FGF12: variants seen among roughly 807,000 people sequenced by gnomAD.
FGF12 encodes fibroblast growth factor 12B.
In FGF12, 14 loss-of-function variants were observed where a neutral mutation model predicts 23.6. The observed-to-expected ratio is 0.59, with a 90% CI of 0.39 to 0.93. FGF12 has a LOEUF of 0.93. FGF12 is among the 40% of genes least tolerant of loss of function. FGF12 has a pLI of 0.00. For missense variants in FGF12, 175 were observed against 217.8 expected, an observed-to-expected ratio of 0.80 and a Z score of 1.24; for synonymous variants, 62 against 77.3, an observed-to-expected ratio of 0.80 and a Z score of 1.04.
At chr3:192,590,470 T>C (rs1475720609) in intron 2 of FGF12, among the ~76,000 whole-genome samples, 1 of 151,958 alleles carries the variant, frequency 6.6e-6, no homozygotes, top group Non-Finnish European at 1.5e-5. Context: ...TTATGAACAC[T>C]TGAAGGTTTT....
At chr3:192,507,722 G>A (rs1724357058) in intron 2 of FGF12, among the ~76,000 whole-genome samples, 1 of 152,146 alleles carries the variant, frequency 6.6e-6, no homozygotes, top group Non-Finnish European at 1.5e-5. Context: ...GGCTATTACT[G>A]CCCAGAATTC....
At chr3:192,429,810 G>A (rs749961787) in intron 2 of FGF12, among the ~76,000 whole-genome samples, 4 of 152,052 alleles carry the variant, frequency 2.6e-5, no homozygotes, top group Non-Finnish European at 4.4e-5. Flanking sequence ...AATGCAGCTG[G>A]TGTATTTTGC....
intron 2 of FGF12, among the ~76,000 whole-genome samples, chr3:192,619,799 AT>A (rs1321098155): frequency 6.6e-6 from 1 of 152,164 alleles, no homozygotes; most frequent in Non-Finnish European, 1.5e-5. Flanking sequence ...TGTTAGACCT[AT>A]GTTTTCTTTT....
chr3:192,235,102 T>G (rs1197606988), intron 4 of FGF12, among the ~76,000 whole-genome samples: 3 of 152,188 alleles, frequency 2.0e-5, no homozygotes, highest in Non-Finnish European at 1.5e-5. Context: ...TATGGTATAA[T>G]GTCAGTAAAA....
At chr3:192,426,433 A>C (rs1214325650) in intron 2 of FGF12, among the ~76,000 whole-genome samples, 1 of 152,234 alleles carries the variant, frequency 6.6e-6, no homozygotes, top group Non-Finnish European at 1.5e-5. Flanking sequence ...ATACAGGTAT[A>C]AAGTGAAAAA....
At chr3:192,422,982 T>C (rs1721579074) in intron 2 of FGF12, among the ~76,000 whole-genome samples, 2 of 151,972 alleles carry the variant, frequency 1.3e-5, no homozygotes, top group Admixed American at 6.6e-5. Context: ...GCTATAAGAG[T>C]TGGGAGCAAG....
At chr3:192,726,505 T>C (rs748566808) in intron 2 of FGF12, among the ~76,000 whole-genome samples, 8 of 152,228 alleles carry the variant, frequency 5.3e-5, no homozygotes, top group Non-Finnish European at 1.0e-4. Flanking sequence ...AGTTCATTTA[T>C]CAGTTGGCAT....
intron 4 of FGF12, among the ~76,000 whole-genome samples, chr3:192,181,884 ACAGACATGGGCCACCATG>A (rs1716199875): frequency 6.6e-6 from 1 of 151,806 alleles, no homozygotes; most frequent in Non-Finnish European, 1.5e-5. Flanking sequence ...TGCTGGGATT[ACAGACATGGGCCACCATG>A]CTCAGCCAAC....
At chr3:192,251,858 T>C (rs1712033928) in intron 4 of FGF12, among the ~76,000 whole-genome samples, 1 of 152,106 alleles carries the variant, frequency 6.6e-6, no homozygotes, top group African/African-American at 2.4e-5. Context: ...TGAAGGGGCA[T>C]TAGGAATACT....
intron 4 of FGF12, among the ~76,000 whole-genome samples, chr3:192,273,971 A>G (rs1230260575): frequency 6.6e-6 from 1 of 152,122 alleles, no homozygotes; most frequent in African/African-American, 2.4e-5. Context: ...GTAATGACTG[A>G]TCACCATCAG....
chr3:192,375,611 T>C (rs999259770), intron 2 of FGF12, among the ~76,000 whole-genome samples: 2 of 152,210 alleles, frequency 1.3e-5, no homozygotes, highest in Admixed American at 1.3e-4. Flanking sequence ...TTTCGTTTAT[T>C]ATGATAGATT....
rs1027295383 is a variant in FGF12 at position 192,408,704 on chromosome 3, A to G, written c.14-48166T>C. 2.0e-4 allele frequency: 196 copies of G among 988,310 alleles called. No homozygotes were observed. Among genetic ancestry groups the G allele is most frequent in the Non-Finnish European group, 2.3e-4 (192 of 832,122 alleles). 61.2% of individuals were successfully genotyped at this position (988,310 alleles called of 1,614,324 possible). A position where few individuals can be genotyped will look rare whatever the true frequency, so the allele number is the denominator to read the frequency against. On this transcript the variant is annotated intron_variant, in intron 2 of 5. Transcript: ENST00000445105. This position sits in a 1 kb window ranked among gnomAD's most constrained non-coding sequence, Gnocchi z 7.3. Reference sequence around the variant, plus strand: ...TACATACATAGAAAACCCGTTTACAAAGCAGAGTCTGGACCCAGGCGGGTA... The same window carrying G: ...TACATACATAGAAAACCCGTTTACAGAGCAGAGTCTGGACCCAGGCGGGTA...
At chr3:192,504,220 GA>G (rs1216477618) in intron 2 of FGF12, among the ~76,000 whole-genome samples, 1 of 152,082 alleles carries the variant, frequency 6.6e-6, no homozygotes, top group Admixed American at 6.5e-5. Context: ...GTGAAGACCA[GA>G]AAACTTTCTA....
intron 2 of FGF12, among the ~76,000 whole-genome samples, chr3:192,560,033 C>T (rs987420518): frequency 1.1e-4 from 17 of 152,064 alleles, no homozygotes; most frequent in African/African-American, 4.1e-4. Context: ...TGAAATTTTA[C>T]AGTGTATGTT....
intron 2 of FGF12, among the ~76,000 whole-genome samples, chr3:192,531,422 A>C (rs1212536510): frequency 6.6e-6 from 1 of 151,484 alleles, no homozygotes; most frequent in East Asian, 1.9e-4. Context: ...TTGTGGCAAA[A>C]AGAAAAAAGA....
chr3:192,575,504 G>A (rs1452402396), intron 2 of FGF12, among the ~76,000 whole-genome samples: 2 of 152,086 alleles, frequency 1.3e-5, no homozygotes, highest in Admixed American at 6.5e-5. Flanking sequence ...GGAGGAAGAG[G>A]AGGAGGAGGA....
intron 4 of FGF12, among the ~76,000 whole-genome samples, chr3:192,307,597 AAAC>A: frequency 6.6e-6 from 1 of 152,322 alleles, no homozygotes; most frequent in Non-Finnish European, 1.5e-5. Flanking sequence ...AAAACAAACC[AAAC>A]AACAATAATA....
At chr3:192,308,389 T>G (rs974574892) in intron 4 of FGF12, among the ~76,000 whole-genome samples, 4 of 151,992 alleles carry the variant, frequency 2.6e-5, no homozygotes, top group African/African-American at 7.2e-5. Flanking sequence ...ATTTAAAATA[T>G]CAAAGAGGCC....
chr3:192,629,962 C>A (rs1715321419), intron 2 of FGF12, among the ~76,000 whole-genome samples: 1 of 152,164 alleles, frequency 6.6e-6, no homozygotes, highest in South Asian at 2.1e-4. Flanking sequence ...AGCTCCGGCC[C>A]AAATCGCATG....
Sources: gnomAD v4.1 joint callset for allele counts (sites outside exome capture counted in the v4.1 genomes callset) on GRCh38, gnomAD v4.1.1 for gene constraint, Gnocchi (gnomAD v3.1) non-coding constraint, MANE v1.5 for transcripts, NCBI Gene and HGNC (gene_info 2026-07-23, HGNC 2026-07-21) for gene names.